Variants in CHODL observed in about 807,000 individuals in gnomAD.
CHODL encodes transmembrane protein MT75.
A neutral mutation model predicts 34.5 loss-of-function variants in CHODL; 29 were observed. The ratio of observed to expected loss-of-function variants is 0.84; its 90% CI spans 0.63 to 1.15. The LOEUF is 1.15. Ranked by LOEUF, CHODL falls within the 50% of genes most tolerant of loss-of-function variation. CHODL has a pLI of 0.00. For missense variants in CHODL, 332 were observed against 332.5 expected (o/e 1.00, Z 0.01); for synonymous variants, 125 against 116.1 (o/e 1.08, Z -0.49).
intron 2 of CHODL, among the ~76,000 whole-genome samples, chr21:18,114,516 G>A (rs1568893675): frequency 6.6e-6 from 1 of 152,018 alleles, no homozygotes; most frequent in Non-Finnish European, 1.5e-5. Context: ...GCAATGGTGC[G>A]ATCTTGGCTC....
chr21:18,205,126 G>A (rs1217403322), intron 2 of CHODL, among the ~76,000 whole-genome samples: 1 of 152,140 alleles, frequency 6.6e-6, no homozygotes, highest in Non-Finnish European at 1.5e-5. Context: ...GTACTATGTT[G>A]AATAATAGCA....
chr21:17,938,474 TTTTTTTTTTTTTTTTTTTTAAG>T (rs1275562332), intron 1 of CHODL, among the ~76,000 whole-genome samples: 2 of 1,320 alleles, frequency 1.5e-3, no homozygotes, highest in Non-Finnish European at 3.5e-3. Context: ...TTTTTTTTTT[TTTTTTTTTTTTTTTTTTTTAAG>T]GAAAGGGAGT....
chr21:18,116,633 G>A (rs890131860), intron 2 of CHODL, among the ~76,000 whole-genome samples: 4 of 152,176 alleles, frequency 2.6e-5, no homozygotes, highest in Non-Finnish European at 1.5e-5. Context: ...AAGGGAAATC[G>A]CAGAGAGGAG....
At chr21:17,975,744 C>G (rs577461464) in intron 1 of CHODL, among the ~76,000 whole-genome samples, 11 of 152,232 alleles carry the variant, frequency 7.2e-5, no homozygotes, top group African/African-American at 2.6e-4. Flanking sequence ...TCAATAAGAC[C>G]TTCCATGCCC....
At chr21:18,218,732 C>G (rs1232343488) in intron 2 of CHODL, among the ~76,000 whole-genome samples, 1 of 152,116 alleles carries the variant, frequency 6.6e-6, no homozygotes, top group African/African-American at 2.4e-5. Context: ...TTAGAAATTT[C>G]TTCCACCGGT....
At chr21:18,103,258 A>T (rs1447777813) in intron 2 of CHODL, among the ~76,000 whole-genome samples, 1 of 152,206 alleles carries the variant, frequency 6.6e-6, no homozygotes, top group East Asian at 1.9e-4. Flanking sequence ...AAGATAATAA[A>T]GAAACTGACC....
intron 2 of CHODL, among the ~76,000 whole-genome samples, chr21:18,175,095 A>G (rs2073289706): frequency 6.6e-6 from 1 of 152,164 alleles, no homozygotes; most frequent in Non-Finnish European, 1.5e-5. Context: ...TGAATATTGT[A>G]TGAACTGGTT....
intron 2 of CHODL, among the ~76,000 whole-genome samples, chr21:18,095,067 T>G (rs1006736139): frequency 6.6e-6 from 1 of 151,502 alleles, no homozygotes; most frequent in Non-Finnish European, 1.5e-5. Flanking sequence ...GAGGTTGCAG[T>G]GAGTCAAGAT....
chr21:18,001,159 GA>G lies in CHODL; in HGVS notation c.-144-26712del, dbSNP rs762466721. Among the ~76,000 whole-genome samples, 6 of 152,284 alleles carry G rather than the reference GA, an allele frequency of 3.9e-5. No homozygotes were observed. The East Asian group carries it at 1.2e-3, about 29-fold the overall frequency. ...TGGAACCACAGGACTTGAGGCCAGA[GA>G]CCACAGAACAACTGCAGGGTTAAGA... On this transcript the variant is annotated intron_variant, in intron 1 of 6. Coordinates refer to the CHODL transcript ENST00000400127.
chr21:17,944,398 G>T (rs1165674201), intron 1 of CHODL, among the ~76,000 whole-genome samples: 1 of 152,078 alleles, frequency 6.6e-6, no homozygotes, highest in African/African-American at 2.4e-5. Flanking sequence ...TGTATTTTTT[G>T]GAGAAATGTA....
At chr21:18,097,354 G>A (rs924205642) in intron 2 of CHODL, among the ~76,000 whole-genome samples, 1 of 151,858 alleles carries the variant, frequency 6.6e-6, no homozygotes, top group African/African-American at 2.4e-5. Context: ...TATTAAAACT[G>A]GTAAAACAAA....
chr21:18,211,453 G>A (rs2073774137), intron 2 of CHODL, among the ~76,000 whole-genome samples: 1 of 152,170 alleles, frequency 6.6e-6, no homozygotes, highest in Admixed American at 6.5e-5. Flanking sequence ...GCCCAGCAAT[G>A]AGTCCAAAAG....
intron 2 of CHODL, among the ~76,000 whole-genome samples, chr21:18,206,363 A>G (rs1158819739): frequency 6.6e-6 from 1 of 152,190 alleles, no homozygotes; most frequent in Non-Finnish European, 1.5e-5. Context: ...CTCTTGCTGA[A>G]TTGACCCCTT....
At chr21:18,039,217 ATC>A (rs754045408) in intron 2 of CHODL, among the ~76,000 whole-genome samples, 1 of 151,778 alleles carries the variant, frequency 6.6e-6, no homozygotes, top group Non-Finnish European at 1.5e-5. Context: ...AGAGATATAT[ATC>A]TGTTATTTAT....
chr21:18,087,931 A>G (rs1431696561), intron 2 of CHODL, among the ~76,000 whole-genome samples: 1 of 152,184 alleles, frequency 6.6e-6, no homozygotes, highest in Non-Finnish European at 1.5e-5. Context: ...ACTTAGAATC[A>G]TGGCAGAAGG....
At chr21:18,044,673 A>G (rs1341888484) in intron 2 of CHODL, among the ~76,000 whole-genome samples, 1 of 151,928 alleles carries the variant, frequency 6.6e-6, no homozygotes, top group Non-Finnish European at 1.5e-5. Flanking sequence ...TAGATCGATT[A>G]CAATATAGTT....
chr21:18,139,466 G>A (rs945503387), intron 2 of CHODL, among the ~76,000 whole-genome samples: 1 of 138,720 alleles, frequency 7.2e-6, no homozygotes, highest in African/African-American at 3.4e-5. Context: ...ATTGAAATTC[G>A]AGGCATGAAA....
chr21:17,964,963 T>A (rs1037327743), intron 1 of CHODL, among the ~76,000 whole-genome samples: 20 of 152,308 alleles, frequency 1.3e-4, no homozygotes, highest in African/African-American at 4.8e-4. Context: ...GCCAAGAACA[T>A]CTGGAAACCA....
chr21:17,939,933 T>C (rs988508121), intron 1 of CHODL, among the ~76,000 whole-genome samples: 1 of 152,224 alleles, frequency 6.6e-6, no homozygotes, highest in Non-Finnish European at 1.5e-5. Flanking sequence ...TGTACATTGA[T>C]GCAACCACTT....
Sources: allele counts gnomAD v4.1 joint callset (sites outside exome capture counted in the v4.1 genomes callset), GRCh38; gene constraint gnomAD v4.1.1; transcripts MANE v1.5; gene names NCBI Gene and HGNC (gene_info 2026-07-23, HGNC 2026-07-21).